Variants in PDE4D observed in about 807,000 individuals in gnomAD.
PDE4D encodes the protein phosphodiesterase 4D.
PDE4D carries 24 observed loss-of-function variants against 87.4 expected under a neutral mutation model. The ratio of observed to expected loss-of-function variants is 0.27; its 90% CI spans 0.20 to 0.39. The LOEUF (loss-of-function observed/expected upper bound fraction) is 0.39, where lower values mean the gene tolerates loss of function less well. PDE4D is among the 10% of genes least tolerant of loss of function. PDE4D has a pLI of 1.00. For missense variants in PDE4D, 714 were observed against 1,041.0 expected, an observed-to-expected ratio of 0.69 and a Z score of 4.32; for synonymous variants, 384 against 383.2, an observed-to-expected ratio of 1.00 and a Z score of -0.02.
At chr5:60,373,292 T>C (rs1257212998) in intron 1 of PDE4D, among the ~76,000 whole-genome samples, 1 of 152,214 alleles carries the variant, frequency 6.6e-6, no homozygotes, top group Non-Finnish European at 1.5e-5. Flanking sequence ...AGTGGTCACA[T>C]TTCCTCACGG....
At chr5:59,926,480 C>T (rs1024125498) in intron 3 of PDE4D, among the ~76,000 whole-genome samples, 15 of 151,788 alleles carry the variant, frequency 9.9e-5, no homozygotes, top group East Asian at 5.8e-4. Flanking sequence ...AAACCAAAAA[C>T]GAGCAGAAGA....
At chr5:59,119,827 T>A (rs575677272) in intron 5 of PDE4D, among the ~76,000 whole-genome samples, 11 of 152,296 alleles carry the variant, frequency 7.2e-5, no homozygotes, top group African/African-American at 2.6e-4. Context: ...GCAGAACAAA[T>A]TAAAATTCTG....
rs1425805396 is a variant in PDE4D, at chr5:59,185,197, T to G, written c.750A>C (p.Ala250=). ...AAAAAAGGATATCTTACTTGCTAGGTGCTCGATCTTGCAAATTAGTTAATG... is the reference window on the plus strand; with the variant it reads ...AAAAAAGGATATCTTACTTGCTAGGGGCTCGATCTTGCAAATTAGTTAATG... The part of the protein sequence containing the change: ...FAALTNLQDR[A]PSKRSPMCNQ... The change falls in exon 4 of 15, where the codon GCA becomes GCC. Residue 250 remains alanine (A), a synonymous_variant. Coordinates refer to ENST00000340635, the MANE Select transcript of PDE4D (RefSeq NM_001104631.2). The G allele has an allele frequency of 6.2e-7, 1 of 1,612,210 alleles. No homozygotes were observed. The highest frequency in any genetic ancestry group is 8.5e-7 in the Non-Finnish European group (1 of 1,178,628).
intron 1 of PDE4D, among the ~76,000 whole-genome samples, chr5:59,240,318 A>G (rs1294421486): frequency 6.6e-6 from 1 of 152,148 alleles, no homozygotes; most frequent in Non-Finnish European, 1.5e-5. Flanking sequence ...CCTATTATAA[A>G]CTAGTTAAAA....
chr5:60,156,167 C>T (rs1781960277), intron 2 of PDE4D, among the ~76,000 whole-genome samples: 1 of 152,224 alleles, frequency 6.6e-6, no homozygotes, highest in South Asian at 2.1e-4. Flanking sequence ...ATTGTTGCTA[C>T]TACCACTTTC....
At chr5:59,063,767 A>G (rs1763483909) in intron 5 of PDE4D, among the ~76,000 whole-genome samples, 1 of 152,186 alleles carries the variant, frequency 6.6e-6, no homozygotes. Flanking sequence ...TTGCCTTAAA[A>G]AGTCTAAAAG....
intron 3 of PDE4D, among the ~76,000 whole-genome samples, chr5:59,942,789 G>A (rs756604486): frequency 9.0e-5 from 13 of 144,838 alleles, no homozygotes; most frequent in South Asian, 2.1e-4. Context: ...GGCAAAACTG[G>A]GCAAGTGTGG....
intron 1 of PDE4D, among the ~76,000 whole-genome samples, chr5:59,800,706 T>G (rs780304400): frequency 2.0e-5 from 3 of 151,668 alleles, no homozygotes; most frequent in Non-Finnish European, 4.4e-5. Context: ...AAGAGTGAGC[T>G]CACAGTCAGC....
chr5:60,266,131 G>A (rs1015524070), intron 1 of PDE4D, among the ~76,000 whole-genome samples: 12 of 152,034 alleles, frequency 7.9e-5, no homozygotes, highest in African/African-American at 1.5e-4. Context: ...GGCTGGGTCC[G>A]CTGTTGTCAC....
chr5:59,550,249 TATCAAG>T (rs1817893526), intron 1 of PDE4D, among the ~76,000 whole-genome samples: 1 of 152,198 alleles, frequency 6.6e-6, no homozygotes, highest in African/African-American at 2.4e-5. Flanking sequence ...CTTGATAACA[TATCAAG>T]GTATATTGTG....
chr5:59,895,451 C>T (rs1751531873), upstream of PDE4D, among the ~76,000 whole-genome samples: 1 of 152,178 alleles, frequency 6.6e-6, no homozygotes, highest in Admixed American at 6.5e-5. Context: ...CTCCTAAGCA[C>T]CACTCTCCAC....
chr5:59,854,221 G>T (rs1007813244), intron 1 of PDE4D, among the ~76,000 whole-genome samples: 1 of 152,038 alleles, frequency 6.6e-6, no homozygotes, highest in East Asian at 1.9e-4. Context: ...ATGGCATCTT[G>T]GTTGTTTTCA....
intron 1 of PDE4D, among the ~76,000 whole-genome samples, chr5:59,366,973 A>G (rs1254249294): frequency 6.6e-6 from 1 of 152,188 alleles, no homozygotes; most frequent in Non-Finnish European, 1.5e-5. Flanking sequence ...CACTCAGCCC[A>G]TGTTTGGAGT....
At chr5:59,074,541 T>G (rs1032547848) in intron 5 of PDE4D, among the ~76,000 whole-genome samples, 2 of 152,144 alleles carry the variant, frequency 1.3e-5, no homozygotes, top group African/African-American at 4.8e-5. Context: ...GCAGATTGCT[T>G]GAGGCCAGGA....
At chr5:59,163,155 A>G (rs982042990) in intron 5 of PDE4D, among the ~76,000 whole-genome samples, 4 of 145,108 alleles carry the variant, frequency 2.8e-5, no homozygotes, top group African/African-American at 1.0e-4. Context: ...CATGTTGCCC[A>G]GGCTGATCTT....
At chr5:59,299,970 G>A (rs1769869657) in intron 1 of PDE4D, among the ~76,000 whole-genome samples, 1 of 152,078 alleles carries the variant, frequency 6.6e-6, no homozygotes, top group Non-Finnish European at 1.5e-5. Flanking sequence ...AAATTAGCCA[G>A]GCGTGGTGTC....
chr5:59,254,581 G>A (rs949052979), intron 1 of PDE4D, among the ~76,000 whole-genome samples: 10 of 151,844 alleles, frequency 6.6e-5, no homozygotes, highest in African/African-American at 2.2e-4. Context: ...GACCAACATT[G>A]GTCAGAGGAG....
At chr5:60,337,353 ATAT>A (rs1561133751) in intron 1 of PDE4D, among the ~76,000 whole-genome samples, 1,509 of 86,200 alleles carry the variant, frequency 0.018, 53 homozygotes, top group African/African-American at 0.06. Flanking sequence ...CAAACAAACT[ATAT>A]ATATATATAT....
At chr5:60,253,640 A>G (rs867971325) in intron 1 of PDE4D, among the ~76,000 whole-genome samples, 1 of 151,922 alleles carries the variant, frequency 6.6e-6, no homozygotes, top group East Asian at 1.9e-4. Flanking sequence ...CAGCCTAACA[A>G]AAGAATCCAT....
Sources: allele counts gnomAD v4.1 joint callset (sites outside exome capture counted in the v4.1 genomes callset), GRCh38; gene constraint gnomAD v4.1.1; transcripts MANE v1.5; gene names NCBI Gene and HGNC (gene_info 2026-07-23, HGNC 2026-07-21).